Variants in CACNB2 observed in about 807,000 individuals in gnomAD.
The protein encoded by CACNB2 is voltage-dependent L-type calcium channel subunit beta-2.
CACNB2 carries 42 observed loss-of-function variants against 73.3 expected under a neutral mutation model. The ratio of observed to expected loss-of-function variants is 0.57; its 90% CI spans 0.45 to 0.74. The LOEUF (loss-of-function observed/expected upper bound fraction) is 0.74, where lower values mean the gene tolerates loss of function less well. Ranked by LOEUF, CACNB2 falls within the 30% of genes least tolerant of loss-of-function variation. The pLI, the probability that CACNB2 is intolerant of heterozygous loss-of-function variation, is 0.00. For missense variants in CACNB2, 940 were observed against 853.0 expected, an observed-to-expected ratio of 1.10 and a Z score of -1.27; for synonymous variants, 348 against 310.3, an observed-to-expected ratio of 1.12 and a Z score of -1.28.
At chr10:18,261,055 C>T in intron 2 of CACNB2, 1 of 1,418,904 alleles carries the variant, frequency 7.0e-7, no homozygotes, top group Non-Finnish European at 9.2e-7. Flanking sequence ...CCCCCACCCC[C>T]AAAAAAAGAC....
intron 2 of CACNB2, chr10:18,340,837 G>A: frequency 6.2e-7 from 1 of 1,613,180 alleles, no homozygotes. Flanking sequence ...AGCAAAGCAA[G>A]ACTTGGCTGC....
At position 18,452,459 on chromosome 10, in the gene CACNB2, A is replaced by T. The variant is rs573004164; in HGVS notation, c.334-45896A>T. On this transcript the variant is annotated intron_variant, in intron 3 of 13. Transcript: ENST00000324631. ...TAATAAGTAGAACCATAGCACATTT[A>T]AAAAAAAATTATCTAGCTAATATCA... is the stretch of plus-strand genomic sequence containing the variant. Among the ~76,000 whole-genome samples, 17 of 151,790 alleles carry T rather than the reference A, an allele frequency of 1.1e-4. No individual in the cohort carries two copies. The East Asian group carries it at 1.2e-3, about 10-fold the overall frequency.
rs138513106 is a variant in CACNB2, at chr10:18,161,225, T to A, written c.213+10250T>A. Among the ~76,000 whole-genome samples, 189 of 152,352 alleles carry A rather than the reference T, an allele frequency of 1.2e-3. 1 individual carries two copies. The highest frequency in any genetic ancestry group is 4.2e-3 in the African/African-American group (176 of 41,586). ...CCTGCCATTGCCTTGGCCATCTGTG[T>A]TATCCTTCCAAAACTGTCATCAGGT... On this transcript the variant is annotated intron_variant, in intron 2 of 13. Coordinates refer to ENST00000324631, the MANE Select transcript of CACNB2 (RefSeq NM_201596.3).
chr10:18,445,484 G>T (rs771498333), intron 3 of CACNB2, among the ~76,000 whole-genome samples: 3 of 152,150 alleles, frequency 2.0e-5, no homozygotes, highest in Non-Finnish European at 2.9e-5. Context: ...ACATGAGTGA[G>T]TATCCTTTCC....
At chr10:18,286,449 T>A (rs957204829) in intron 2 of CACNB2, among the ~76,000 whole-genome samples, 2 of 126,820 alleles carry the variant, frequency 1.6e-5, no homozygotes, top group African/African-American at 5.9e-5. Flanking sequence ...ACCCTGCAGG[T>A]GGAGCTTGCA....
At position 18,402,025 on chromosome 10, in the gene CACNB2, A is replaced by G. The variant is rs1222009722; in HGVS notation, c.315A>G (p.Ala105=). 6.2e-7 allele frequency: 1 copy of G among 1,614,014 alleles called. No homozygotes were observed. The highest frequency in any genetic ancestry group is 2.2e-5 in the East Asian group (1 of 44,886). The change falls in exon 3 of 14, where the codon GCA becomes GCG. Residue 105 remains alanine, a synonymous_variant. Coordinates refer to ENST00000324631, the MANE Select transcript of CACNB2 (RefSeq NM_201596.3). ...VRREAERQAQ[A]QLEKAKTKPV... is the part of the protein sequence containing the mutation. Reference sequence around the variant, plus strand: ...GAGAAGCGGAGCGGCAGGCCCAGGCACAGTTGGAAAAAGCAAAGGTAAAAT... The same window carrying G: ...GAGAAGCGGAGCGGCAGGCCCAGGCGCAGTTGGAAAAAGCAAAGGTAAAAT...
intron 2 of CACNB2, among the ~76,000 whole-genome samples, chr10:18,171,657 C>T (rs537340554): frequency 4.0e-5 from 6 of 150,314 alleles, no homozygotes; most frequent in African/African-American, 9.8e-5. Flanking sequence ...CACACACCAC[C>T]GTTTGGACTC....
At chr10:18,324,245 T>C (rs1028790440) in intron 2 of CACNB2, among the ~76,000 whole-genome samples, 3 of 152,222 alleles carry the variant, frequency 2.0e-5, no homozygotes, top group African/African-American at 7.2e-5. Context: ...TGGCTGGTGC[T>C]ATTATAAACA....
intron 4 of CACNB2, among the ~76,000 whole-genome samples, chr10:18,498,954 G>A (rs2050007629): frequency 1.3e-5 from 2 of 152,080 alleles, no homozygotes; most frequent in Admixed American, 1.3e-4. Flanking sequence ...TGAGAGAATG[G>A]TAAGAATTGA....
At chr10:18,173,412 A>T (rs139391706) in intron 2 of CACNB2, among the ~76,000 whole-genome samples, 2 of 152,216 alleles carry the variant, frequency 1.3e-5, no homozygotes, top group Non-Finnish European at 2.9e-5. Context: ...TGTTGGCTCA[A>T]ATGGTACTAA....
chr10:18,329,394 A>C (rs578256705), intron 2 of CACNB2, among the ~76,000 whole-genome samples: 179 of 152,050 alleles, frequency 1.2e-3, no homozygotes, highest in African/African-American at 4.1e-3. Flanking sequence ...AAAAGTTCTT[A>C]TTCTAAAGGA....
intron 2 of CACNB2, chr10:18,151,257 T>G (rs1002810374): frequency 4.1e-5 from 14 of 342,306 alleles, no homozygotes; most frequent in Non-Finnish European, 7.3e-5. Flanking sequence ...GAAATGATTA[T>G]GGATTTGGGG....
At chr10:18,494,639 A>AC (rs1388765357) in intron 3 of CACNB2, among the ~76,000 whole-genome samples, 5 of 151,468 alleles carry the variant, frequency 3.3e-5, no homozygotes, top group African/African-American at 1.2e-4. Context: ...CTCAAAAAAA[A>AC]AAAAAAAAAA....
At chr10:18,450,650 TCTAA>T (rs1436201845) in intron 3 of CACNB2, among the ~76,000 whole-genome samples, 1 of 134,844 alleles carries the variant, frequency 7.4e-6, no homozygotes, top group Non-Finnish European at 1.6e-5. Context: ...TTTTGAGGAG[TCTAA>T]CTCTGTCACT....
intron 2 of CACNB2, 99 bp from the exon 3 acceptor site, chr10:18,401,825 A>G: frequency 1.7e-6 from 2 of 1,197,822 alleles, no homozygotes; most frequent in Non-Finnish European, 2.5e-6. Flanking sequence ...TCAGGAAAGT[A>G]TAGAACAATC....
At position 18,140,699 on chromosome 10, in the gene CACNB2, G is replaced by A; in HGVS notation, c.-38G>A. 6.4e-7 allele frequency: 1 copy of A among 1,561,942 alleles called. No homozygotes were observed. The highest frequency in any genetic ancestry group is 2.3e-5 in the East Asian group (1 of 43,346). On this transcript the variant is annotated 5_prime_UTR_variant, in exon 1 of 14. Transcript: ENST00000324631. ...GGCGAGGAGGAGGGGACCCGCCGCC[G>A]GGGGCTGGCTGCTTCGCTCCGAGCC... is the stretch of plus-strand genomic sequence containing the variant.
At chr10:18,350,600 T>G (rs2041667262) in intron 2 of CACNB2, among the ~76,000 whole-genome samples, 1 of 152,148 alleles carries the variant, frequency 6.6e-6, no homozygotes, top group Non-Finnish European at 1.5e-5. Context: ...TCCTTGACCT[T>G]GAACCCTGCA....
chr10:18,200,574 C>G (rs2131308298), intron 2 of CACNB2, among the ~76,000 whole-genome samples: 1 of 151,862 alleles, frequency 6.6e-6, no homozygotes, highest in East Asian at 1.9e-4. Context: ...GTGTTCATTA[C>G]TATTAGGTAT....
chr10:18,415,703 C>T (rs6482397), intron 3 of CACNB2, among the ~76,000 whole-genome samples: 135,429 of 152,186 alleles, frequency 0.89, 60,606 homozygotes, highest in African/African-American at 0.97. Context: ...ACAACGCCTG[C>T]CATTTTAGAT....
Sources: allele counts gnomAD v4.1 joint callset (sites outside exome capture counted in the v4.1 genomes callset), GRCh38; gene constraint gnomAD v4.1.1; transcripts MANE v1.5; gene names NCBI Gene and HGNC (gene_info 2026-07-23, HGNC 2026-07-21).